SP140: variants seen among roughly 807,000 people sequenced by gnomAD.
SP140 encodes the protein nuclear body protein SP140.
Under a neutral mutation model 125.0 loss-of-function variants are expected in SP140, and 81 were observed. The observed-to-expected ratio is 0.65, with a 90% CI of 0.54 to 0.78. The LOEUF (loss-of-function observed/expected upper bound fraction) is 0.78. Ranked by LOEUF, SP140 falls within the 30% of genes least tolerant of loss-of-function variation. The pLI, the probability that SP140 is intolerant of heterozygous loss-of-function variation, is 0.00. For missense variants in SP140, 858 were observed against 1,037.0 expected (o/e 0.83, Z 2.37); for synonymous variants, 312 against 354.0 (o/e 0.88, Z 1.33).
rs974070164 is a variant in SP140 at position 230,292,655 on chromosome 2, T to C, written c.1835T>C (p.Val612Ala). The C allele has an allele frequency of 6.2e-7, 1 of 1,614,058 alleles. No individual in the cohort carries two copies. Among genetic ancestry groups the C allele is most frequent in the Non-Finnish European group, 8.5e-7 (1 of 1,179,986 alleles). Residue 612 changes from valine (V) to alanine (A), a missense_variant, in exon 20 of 27, where the codon GTG becomes GCG. Physicochemically the swap from Val to Ala is moderately conservative, Grantham distance 64. Around this residue, in one of 4 missense-constraint regions of SP140, gnomAD observed 791 missense variants for 869.5 expected, o/e 0.91. Coordinates refer to ENST00000392045, the MANE Select transcript of SP140 (RefSeq NM_007237.5). The stretch of plus-strand genomic sequence containing the variant: ...TACCCTGGTCTTACAGGAATCTTGG[T>C]GAAGTGTATACAGACTGAGGATGGA... Reference protein sequence around the residue: ...HKKKLQQGILVKCIQTEDGKW... With the variant: ...HKKKLQQGILAKCIQTEDGKW...
At chr2:230,283,703 T>C (rs1248011074) in intron 15 of SP140, among the ~76,000 whole-genome samples, 2 of 152,036 alleles carry the variant, frequency 1.3e-5, no homozygotes, top group Non-Finnish European at 2.9e-5. Flanking sequence ...CAGTGCACTG[T>C]GGAGTCACTT....
At chr2:230,297,503 C>T (rs770598735) in intron 22 of SP140, 41 bp downstream of exon 22, 11 of 1,603,108 alleles carry the variant, frequency 6.9e-6, no homozygotes, top group African/African-American at 4.0e-5. Context: ...GAATATTCCA[C>T]TCCTTTCTCC....
intron 3 of SP140, among the ~76,000 whole-genome samples, chr2:230,215,900 T>G (rs1215649038): frequency 6.6e-6 from 1 of 152,166 alleles, no homozygotes; most frequent in African/African-American, 2.4e-5. Context: ...CTTCATGAGA[T>G]GAGTTGGCCA....
chr2:230,186,155 A>G, the SP140 span: 5 of 1,613,728 alleles, frequency 3.1e-6, no homozygotes, highest in African/African-American at 6.7e-5. Context: ...TGGACCAAAT[A>G]GACTTGTGAA....
intron 18 of SP140, among the ~76,000 whole-genome samples, chr2:230,288,288 T>G (rs1204031209): frequency 6.6e-6 from 1 of 152,206 alleles, no homozygotes; most frequent in Non-Finnish European, 1.5e-5. Flanking sequence ...GACCTTCCTC[T>G]GACTACTCAG....
chr2:230,256,614 A>G (rs1466872122), intron 12 of SP140, among the ~76,000 whole-genome samples: 2 of 152,202 alleles, frequency 1.3e-5, no homozygotes, highest in African/African-American at 2.4e-5. Context: ...CAGCACATGT[A>G]TACATATGTA....
At chr2:230,189,152 C>A in the SP140 span, among the ~76,000 whole-genome samples, 2 of 151,952 alleles carry the variant, frequency 1.3e-5, no homozygotes, top group African/African-American at 4.8e-5. Context: ...TTTCAAAGAA[C>A]CAGCTTTTTG....
intron 1 of SP140, chr2:230,213,142 C>G: frequency 1.0e-6 from 1 of 998,218 alleles, no homozygotes; most frequent in East Asian, 2.4e-5. Flanking sequence ...TATTCATTGT[C>G]CCCCAGGTGC....
At chr2:230,314,185 A>T (rs1229354446), downstream of SP140, among the ~76,000 whole-genome samples, 1 of 152,124 alleles carries the variant, frequency 6.6e-6, no homozygotes, top group Non-Finnish European at 1.5e-5. Flanking sequence ...TTGACTCCAG[A>T]TGCCCCCTGA....
chr2:230,200,827 G>T, upstream of SP140: 2 of 1,264,926 alleles, frequency 1.6e-6, no homozygotes, highest in Non-Finnish European at 2.3e-6. Context: ...GTGTAAGACA[G>T]CTCTGAATTT....
intron 3 of SP140, among the ~76,000 whole-genome samples, chr2:230,220,404 A>G (rs1445155035): frequency 6.6e-6 from 1 of 152,222 alleles, no homozygotes; most frequent in African/African-American, 2.4e-5. Context: ...ATCAAACTCT[A>G]ACAACACACA....
intron 1 of SP140, among the ~76,000 whole-genome samples, chr2:230,234,427 A>T (rs527794454): frequency 6.6e-6 from 1 of 152,372 alleles, no homozygotes; most frequent in East Asian, 1.9e-4. Flanking sequence ...CCAACACAGA[A>T]GGTGCATGAG....
At chr2:230,269,465 C>A in intron 12 of SP140, 67 bp from the exon 13 acceptor site, 1 of 949,806 alleles carries the variant, frequency 1.1e-6, no homozygotes, top group Non-Finnish European at 1.7e-6. Context: ...AGTATAGCAG[C>A]ACTGGAAACT....
intron 3 of SP140, chr2:230,215,150 G>C: frequency 6.4e-7 from 1 of 1,558,038 alleles, no homozygotes; most frequent in Non-Finnish European, 8.9e-7. Flanking sequence ...TTTTATAAAT[G>C]ACTATAAAAT....
At chr2:230,307,726 G>T (rs2058895682) in intron 22 of SP140, among the ~76,000 whole-genome samples, 1 of 152,028 alleles carries the variant, frequency 6.6e-6, no homozygotes, top group Non-Finnish European at 1.5e-5. Flanking sequence ...CTGCCCCATG[G>T]CAGGCCCTTG....
In SP140 at chr2:230,214,518, T is replaced by C. The variant is rs2044875536; in HGVS notation, c.-91+444T>C. Among the ~76,000 whole-genome samples, 2 of 152,224 alleles carry C rather than the reference T, an allele frequency of 1.3e-5. 1 individual carries two copies. The highest frequency in any genetic ancestry group is 4.1e-4 in the South Asian group (2 of 4,832). Reference sequence around the variant, plus strand: ...CTTCAAAGGGTTGTTTTAAAGATGATGTGAGATAATCAAATAAAGTGTTTG... The same window carrying C: ...CTTCAAAGGGTTGTTTTAAAGATGACGTGAGATAATCAAATAAAGTGTTTG... On this transcript the variant is annotated intron_variant, in intron 3 of 4. Coordinates refer to the SP140 transcript ENST00000456542.
downstream of SP140, among the ~76,000 whole-genome samples, chr2:230,315,588 C>T (rs573163855): frequency 6.6e-6 from 1 of 152,204 alleles, no homozygotes; most frequent in South Asian, 2.1e-4. Flanking sequence ...ATTGGCTGAC[C>T]CGGTTCCTTA....
intron 1 of SP140, among the ~76,000 whole-genome samples, chr2:230,206,595 TTATATA>T (rs56817002): frequency 0.022 from 1,564 of 70,388 alleles, 42 homozygotes; most frequent in African/African-American, 0.037. Flanking sequence ...GGTCCAGATT[TTATATA>T]TATATATATA....
At chr2:230,313,863 T>C (rs2059461282), downstream of SP140, among the ~76,000 whole-genome samples, 1 of 152,230 alleles carries the variant, frequency 6.6e-6, no homozygotes, top group Non-Finnish European at 1.5e-5. Flanking sequence ...GGTACAATTG[T>C]CTGGCATTTA....
Sources: allele counts gnomAD v4.1 joint callset (sites outside exome capture counted in the v4.1 genomes callset), GRCh38; gene constraint gnomAD v4.1.1; regional missense constraint gnomAD v4.1.1; transcripts MANE v1.5; gene names NCBI Gene and HGNC (gene_info 2026-07-23, HGNC 2026-07-21).